The following OLFM3 variants were observed in gnomAD, a reference collection of about 807,000 sequenced individuals.
OLFM3 encodes the protein olfactomedin 3.
OLFM3 carries 20 observed loss-of-function variants against 48.6 expected under a neutral mutation model. The observed-to-expected ratio is 0.41, with a 90% CI of 0.29 to 0.60. The LOEUF is 0.60. OLFM3 is among the 20% of genes least tolerant of loss of function. OLFM3 has a pLI of 0.28. For missense variants in OLFM3, 437 were observed against 544.3 expected, an observed-to-expected ratio of 0.80 and a Z score of 1.96; for synonymous variants, 222 against 198.1, an observed-to-expected ratio of 1.12 and a Z score of -1.01.
At chr1:101,870,452 A>G (rs1657034971) in intron 1 of OLFM3, among the ~76,000 whole-genome samples, 1 of 152,194 alleles carries the variant, frequency 6.6e-6, no homozygotes, top group Non-Finnish European at 1.5e-5. Flanking sequence ...AGCTAAAGAC[A>G]ACACAGTTGC....
At chr1:101,972,061 C>A (rs1660819705) in intron 1 of OLFM3, among the ~76,000 whole-genome samples, 1 of 151,838 alleles carries the variant, frequency 6.6e-6, no homozygotes, top group Non-Finnish European at 1.5e-5. Context: ...ATCTTTTCAC[C>A]TTTGTACATA....
chr1:101,824,582 G>A (rs1654759560), intron 4 of OLFM3, among the ~76,000 whole-genome samples: 1 of 152,022 alleles, frequency 6.6e-6, no homozygotes, highest in Admixed American at 6.6e-5. Flanking sequence ...AATAATTGCT[G>A]TTTGACATTT....
In OLFM3 at chr1:101,828,052, C is replaced by CTGTCTCTCTCTG. The variant is rs747561274; in HGVS notation, c.372+2619_372+2620insCAGAGAGAGACA. 1.9e-3 allele frequency among the ~76,000 whole-genome samples: 239 copies of CTGTCTCTCTCTG among 125,378 alleles called. 1 individual carries two copies. Among genetic ancestry groups the CTGTCTCTCTCTG allele is most frequent in the East Asian group, 4.2e-3 (18 of 4,336 alleles). 82.3% of individuals were successfully genotyped at this position (125,378 alleles called of 152,430 possible). On this transcript the variant is annotated intron_variant, in intron 3 of 5. Transcript: ENST00000370103. The stretch of plus-strand genomic sequence containing the variant: ...TCTCTCTGTCTGTCTGTCTGTCTGT[C>CTGTCTCTCTCTG]TCTCTCTCTCTCTGTCTCTCTCTCT...
At chr1:101,812,041 T>C (rs572057885) in intron 4 of OLFM3, among the ~76,000 whole-genome samples, 87 of 152,242 alleles carry the variant, frequency 5.7e-4, no homozygotes, top group African/African-American at 1.9e-3. Context: ...TGTAGGGACA[T>C]GGATGAAGCT....
At chr1:101,809,018 A>G (rs956911976) in intron 4 of OLFM3, among the ~76,000 whole-genome samples, 3 of 151,658 alleles carry the variant, frequency 2.0e-5, no homozygotes, top group Non-Finnish European at 4.4e-5. Context: ...CAAGATAAAA[A>G]GAGTTATCTC....
chr1:101,874,297 G>A (rs949121050), intron 1 of OLFM3, among the ~76,000 whole-genome samples: 5 of 151,828 alleles, frequency 3.3e-5, no homozygotes, highest in African/African-American at 1.2e-4. Flanking sequence ...AAATTCCAAT[G>A]AGTATTAGTT....
rs116395298 is a variant in OLFM3, at chr1:101,920,196, T to C, written c.69+76552A>G. On this transcript the variant is annotated intron_variant, in intron 1 of 5. Transcript: ENST00000370103. ...TTTCAAATACAATATGCAGAGTGAT[T>C]CTTTAAAAATCTAAGTCAAATAATT... 6.2e-3 allele frequency among the ~76,000 whole-genome samples: 938 copies of C among 152,292 alleles called. 12 individuals are homozygous for C. Among genetic ancestry groups the C allele is most frequent in the African/African-American group, 0.022 (897 of 41,544 alleles).
intron 2 of OLFM3, among the ~76,000 whole-genome samples, chr1:101,832,706 T>C (rs1009072255): frequency 6.6e-6 from 1 of 152,220 alleles, no homozygotes; most frequent in African/African-American, 2.4e-5. Context: ...AAAATTATCT[T>C]GGGTTTGTAA....
chr1:101,836,739 G>T (rs1184027788), intron 2 of OLFM3, 140 bp downstream of exon 2: 1 of 804,266 alleles, frequency 1.2e-6, no homozygotes, highest in Non-Finnish European at 2.0e-6. Flanking sequence ...ACCCTTTCAA[G>T]GATCAGAAAA....
At chr1:101,926,370 A>T (rs944302324) in intron 1 of OLFM3, among the ~76,000 whole-genome samples, 9 of 152,276 alleles carry the variant, frequency 5.9e-5, no homozygotes, top group African/African-American at 2.2e-4. Flanking sequence ...TGACAGTATG[A>T]TTCAGTATCC....
At chr1:101,926,847 T>G (rs1659286491) in intron 1 of OLFM3, among the ~76,000 whole-genome samples, 2 of 152,126 alleles carry the variant, frequency 1.3e-5, no homozygotes, top group African/African-American at 2.4e-5. Context: ...GAACAAAGTT[T>G]TCTAACACTG....
intron 1 of OLFM3, among the ~76,000 whole-genome samples, chr1:101,960,553 C>T (rs976932259): frequency 2.6e-5 from 4 of 152,192 alleles, no homozygotes; most frequent in African/African-American, 9.6e-5. Context: ...CCTAGTGTTA[C>T]AGAAGATATA....
rs190657983 is a variant in OLFM3 at position 101,847,952 on chromosome 1, T to C, written c.70-10927A>G. Among the ~76,000 whole-genome samples, 390 of 152,296 alleles carry C rather than the reference T, an allele frequency of 2.6e-3. 3 individuals carry two copies. Among genetic ancestry groups the C allele is most frequent in the African/African-American group, 8.8e-3 (364 of 41,570 alleles). The stretch of plus-strand genomic sequence containing the variant: ...GACAAGATTCCTTGGCTTCAGTTTT[T>C]TCTACAATATAAGGATGTTGGAAAA... On this transcript the variant is annotated intron_variant, in intron 1 of 5. Coordinates refer to ENST00000370103, the MANE Select transcript of OLFM3 (RefSeq NM_058170.4).
chr1:101,845,248 G>C (rs1053944185), intron 1 of OLFM3, among the ~76,000 whole-genome samples: 22 of 151,686 alleles, frequency 1.5e-4, no homozygotes, highest in African/African-American at 4.8e-4. Flanking sequence ...AACATATACA[G>C]ACATACAGCA....
Position 101,897,885 on chromosome 1 carries a change from C to T in OLFM3, c.70-60860G>A, listed in dbSNP as rs557637290. 3.5e-4 allele frequency among the ~76,000 whole-genome samples: 53 copies of T among 152,128 alleles called. No individual in the cohort carries two copies. In the East Asian group the frequency reaches 4.8e-3, roughly 14 times the overall value. ...TTATTAGAAATACAGTTTGTAAGAT[C>T]ACAAACAAAAACACTTCCTTTTTCT... On this transcript the variant is annotated intron_variant, in intron 1 of 5. Coordinates refer to ENST00000370103, the MANE Select transcript of OLFM3 (RefSeq NM_058170.4).
At chr1:101,950,543 A>AT (rs1184296573) in intron 1 of OLFM3, among the ~76,000 whole-genome samples, 2 of 149,372 alleles carry the variant, frequency 1.3e-5, no homozygotes, top group Admixed American at 1.3e-4. Context: ...GGTTCACGCC[A>AT]TTCTCCTGCC....
At chr1:101,894,927 T>C (rs1658142417) in intron 1 of OLFM3, among the ~76,000 whole-genome samples, 1 of 152,150 alleles carries the variant, frequency 6.6e-6, no homozygotes. Flanking sequence ...TGGAAACACC[T>C]GAGAGATTTC....
In OLFM3 at chr1:101,843,925, C is replaced by T. The variant is rs147980678; in HGVS notation, c.70-6900G>A. The stretch of plus-strand genomic sequence containing the variant: ...ATTCAGATTTCAAGACCTGCGTGTG[C>T]GTGTGCGTGTGGTATATTGCAAACT... On this transcript the variant is annotated intron_variant, in intron 1 of 5. Transcript: ENST00000370103. Among the ~76,000 whole-genome samples, 1,128 of 152,138 alleles carry T rather than the reference C, an allele frequency of 7.4e-3. 7 individuals carry two copies. Among genetic ancestry groups the T allele is most frequent in the Non-Finnish European group, 0.013 (853 of 67,972 alleles).
At chr1:101,958,630 C>A (rs572711186) in intron 1 of OLFM3, among the ~76,000 whole-genome samples, 2 of 151,604 alleles carry the variant, frequency 1.3e-5, no homozygotes, top group African/African-American at 4.8e-5. Flanking sequence ...TCCAATCAGG[C>A]GATGAAAAGC....
Sources: allele counts gnomAD v4.1 joint callset (sites outside exome capture counted in the v4.1 genomes callset), GRCh38; gene constraint gnomAD v4.1.1; transcripts MANE v1.5; gene names NCBI Gene and HGNC (gene_info 2026-07-23, HGNC 2026-07-21).